The following CAPZA1 variants were observed in gnomAD, a reference collection of about 807,000 sequenced individuals.
The protein encoded by CAPZA1 is F-actin-capping protein subunit alpha-1.
A neutral mutation model predicts 40.8 loss-of-function variants in CAPZA1; 10 were observed. That is an observed-to-expected ratio of 0.25 (90% confidence interval 0.15 to 0.42). The LOEUF (loss-of-function observed/expected upper bound fraction) is 0.42. Among genes scored for constraint, CAPZA1 ranks in the 10% least tolerant of loss-of-function variants. CAPZA1 has a pLI of 1.00. For missense variants in CAPZA1, 277 were observed against 353.8 expected, an observed-to-expected ratio of 0.78 and a Z score of 1.74; for synonymous variants, 98 against 115.0, an observed-to-expected ratio of 0.85 and a Z score of 0.95.
chr1:112,666,557 A>C (rs1671727646), intron 7 of CAPZA1, among the ~76,000 whole-genome samples: 1 of 152,182 alleles, frequency 6.6e-6, no homozygotes, highest in African/African-American at 2.4e-5. Context: ...AAAATATCTG[A>C]TTTACCAATA....
chr1:112,659,120 C>G lies in CAPZA1; in HGVS notation c.506+19C>G. The G allele has an allele frequency of 1.3e-6, 2 of 1,521,722 alleles. No individual in the cohort carries two copies. Among genetic ancestry groups the G allele is most frequent in the Non-Finnish European group, 1.8e-6 (2 of 1,096,462 alleles). The allele number at this position is 1,521,722 out of a possible 1,614,324, so 94.3% of individuals were successfully genotyped here. ...ACTTCTGGTAAGAAGTAGATATTCT[C>G]TTCTATTTACATCTGAAAGAAACCA... On this transcript the variant is annotated intron_variant, in intron 6 of 9. Transcript: ENST00000263168.
In CAPZA1 at chr1:112,670,018, A is replaced by G. The variant is rs1557739900; in HGVS notation, c.747A>G (p.Thr249=). 7 of 1,613,790 alleles carry G rather than the reference A, an allele frequency of 4.3e-6. No homozygotes were observed. Among genetic ancestry groups the G allele is most frequent in the Non-Finnish European group, 5.9e-6 (7 of 1,179,844 alleles). Residue 249 remains threonine, a synonymous_variant, in exon 10 of 10, where the codon ACA becomes ACG. Coordinates refer to ENST00000263168, the MANE Select transcript of CAPZA1 (RefSeq NM_006135.3). Reference sequence around the variant, plus strand: ...CAGCAATTAGTGAAAACTATCAAACAATGTCAGATACCACATTCAAGGCCT... The same window carrying G: ...CAGCAATTAGTGAAAACTATCAAACGATGTCAGATACCACATTCAAGGCCT... ...YQTAISENYQ[T]MSDTTFKALR...
intron 7 of CAPZA1, among the ~76,000 whole-genome samples, chr1:112,660,164 C>T (rs1242465883): frequency 1.3e-5 from 2 of 151,904 alleles, no homozygotes; most frequent in Non-Finnish European, 2.9e-5. Flanking sequence ...CTGCAACCTC[C>T]ACCTCCCAGC....
At chr1:112,636,914 T>C (rs918908649) in intron 1 of CAPZA1, among the ~76,000 whole-genome samples, 1 of 152,242 alleles carries the variant, frequency 6.6e-6, no homozygotes, top group Non-Finnish European at 1.5e-5. Flanking sequence ...TTGGATAAAA[T>C]GTTAACTTTT....
In CAPZA1 at chr1:112,669,481, G is replaced by A. The variant is rs556854084; in HGVS notation, c.658-62G>A. On this transcript the variant is annotated intron_variant, in intron 8 of 9. Coordinates refer to ENST00000263168, the MANE Select transcript of CAPZA1 (RefSeq NM_006135.3). ...GTTAGTTAAGATGGACTTACTTTCA[G>A]GATCTTACTGCTTACACATTAAAAA... The A allele has an allele frequency of 4.0e-5, 45 of 1,132,392 alleles. No homozygotes were observed. In the East Asian group the frequency reaches 1.1e-3, roughly 27 times the overall value. 70.1% of individuals were successfully genotyped at this position (1,132,392 alleles called of 1,614,324 possible).
chr1:112,629,586 G>C (rs1384398397), intron 1 of CAPZA1, among the ~76,000 whole-genome samples: 1 of 152,176 alleles, frequency 6.6e-6, no homozygotes, highest in East Asian at 1.9e-4. Flanking sequence ...AGGGCAGTCT[G>C]ATTTCCAAGT....
intron 3 of CAPZA1, 61 bp downstream of exon 3, chr1:112,649,530 A>G: frequency 1.6e-6 from 2 of 1,287,006 alleles, no homozygotes; most frequent in African/African-American, 2.9e-5. Flanking sequence ...CTATGTTGAC[A>G]GTAAACTAGC....
intron 5 of CAPZA1, among the ~76,000 whole-genome samples, chr1:112,657,410 C>G (rs917321373): frequency 6.6e-6 from 1 of 152,126 alleles, no homozygotes; most frequent in Non-Finnish European, 1.5e-5. Flanking sequence ...ACTTCTGAAC[C>G]CTTTAATTTT....
chr1:112,631,761 G>T (rs1334110623), intron 1 of CAPZA1, among the ~76,000 whole-genome samples: 1 of 151,950 alleles, frequency 6.6e-6, no homozygotes, highest in African/African-American at 2.4e-5. Flanking sequence ...GGCAACCTCC[G>T]GACCAGAATA....
intron 1 of CAPZA1, among the ~76,000 whole-genome samples, chr1:112,631,846 T>C (rs1487960451): frequency 6.6e-6 from 1 of 152,212 alleles, no homozygotes; most frequent in African/African-American, 2.4e-5. Flanking sequence ...CCTAAACAAG[T>C]TGCTTATGGG....
At chr1:112,649,983 G>A (rs3013441) in intron 3 of CAPZA1, 119,419 of 152,182 alleles carry the variant, frequency 0.78, 47,084 homozygotes, top group South Asian at 0.88. Flanking sequence ...AAAATATTAC[G>A]GTGGTGCCTC....
chr1:112,667,060 A>T lies in CAPZA1; in HGVS notation c.586-14A>T. The T allele has an allele frequency of 6.3e-7, 1 of 1,599,260 alleles. No homozygotes were observed. Among genetic ancestry groups the T allele is most frequent in the Non-Finnish European group, 8.5e-7 (1 of 1,171,870 alleles). On this transcript the variant is annotated splice_polypyrimidine_tract_variant and intron_variant, in intron 7 of 9. Coordinates refer to ENST00000263168, the MANE Select transcript of CAPZA1 (RefSeq NM_006135.3). ...GAACTTCCCCTAAAAAGGCTCAAAC[A>T]TTGTCTCACACAGGTTCACTATTAT... is the stretch of plus-strand genomic sequence containing the variant.
chr1:112,643,502 T>C (rs1671220062), intron 1 of CAPZA1, among the ~76,000 whole-genome samples: 1 of 152,224 alleles, frequency 6.6e-6, no homozygotes. Context: ...TACCAACTTT[T>C]GTCTTCCAAG....
rs561862457 is a variant in CAPZA1 at position 112,658,822 on chromosome 1, T to C, written c.427-200T>C. 2.0e-5 allele frequency among the ~76,000 whole-genome samples: 3 copies of C among 152,316 alleles called. No individual in the cohort carries two copies. In the East Asian group the frequency reaches 5.8e-4, roughly 29 times the overall value. ...AAACCAAGAGCAGTATTTCCCTCTG[T>C]TTTCATTGTATCACTGTCTCTGGTA... On this transcript the variant is annotated intron_variant, in intron 5 of 9. Coordinates refer to ENST00000263168, the MANE Select transcript of CAPZA1 (RefSeq NM_006135.3).
At chr1:112,628,739 C>T (rs1298790155) in intron 1 of CAPZA1, among the ~76,000 whole-genome samples, 1 of 152,294 alleles carries the variant, frequency 6.6e-6, no homozygotes. Context: ...GCAGCTTCTC[C>T]TACAGTCTGC....
intron 1 of CAPZA1, among the ~76,000 whole-genome samples, chr1:112,640,142 G>C (rs1570709063): frequency 8.2e-6 from 1 of 121,598 alleles, no homozygotes; most frequent in African/African-American, 3.2e-5. Context: ...GGGAGGTGGG[G>C]GGATCAGCCC....
intron 3 of CAPZA1, among the ~76,000 whole-genome samples, chr1:112,652,455 G>C (rs899650966): frequency 1.5e-4 from 23 of 148,658 alleles, no homozygotes; most frequent in African/African-American, 5.5e-4. Context: ...CTCCAGCCTG[G>C]GCAACAAGAG....
intron 1 of CAPZA1, among the ~76,000 whole-genome samples, chr1:112,621,260 A>G (rs1670647267): frequency 1.3e-5 from 2 of 151,368 alleles, no homozygotes; most frequent in Admixed American, 1.3e-4. Flanking sequence ...AAAATTAAGC[A>G]AAAATCCTGT....
chr1:112,665,976 T>C (rs1301129980), intron 7 of CAPZA1, among the ~76,000 whole-genome samples: 4 of 152,216 alleles, frequency 2.6e-5, no homozygotes, highest in Non-Finnish European at 5.9e-5. Flanking sequence ...CCTTTTCCCG[T>C]GTGTCACCTA....
Sources: gnomAD v4.1 joint callset for allele counts (sites outside exome capture counted in the v4.1 genomes callset) on GRCh38, gnomAD v4.1.1 for gene constraint, MANE v1.5 for transcripts, NCBI Gene and HGNC (gene_info 2026-07-23, HGNC 2026-07-21) for gene names.